LAPTM5: variants seen among roughly 807,000 people sequenced by gnomAD.
The protein encoded by LAPTM5 is lysosomal protein transmembrane 5, also known as lysosomal-associated transmembrane protein 5.
A neutral mutation model predicts 30.1 loss-of-function variants in LAPTM5; 11 were observed. That is an observed-to-expected ratio of 0.37 (90% CI 0.23 to 0.60). The LOEUF (loss-of-function observed/expected upper bound fraction) is 0.60. Among genes scored for constraint, LAPTM5 ranks in the 20% least tolerant of loss-of-function variants. The pLI is 0.71. For missense variants in LAPTM5, 324 were observed against 332.5 expected, an observed-to-expected ratio of 0.97 and a Z score of 0.20; for synonymous variants, 151 against 137.9, an observed-to-expected ratio of 1.10 and a Z score of -0.67.
intron 6 of LAPTM5, among the ~76,000 whole-genome samples, chr1:30,735,564 C>T (rs1639873993): frequency 1.3e-5 from 2 of 152,246 alleles, no homozygotes; most frequent in Non-Finnish European, 1.5e-5. Context: ...GCCCACACTG[C>T]CTGGAAGCTC....
chr1:30,747,221 G>A (rs1640061303), intron 1 of LAPTM5, among the ~76,000 whole-genome samples: 1 of 152,192 alleles, frequency 6.6e-6, no homozygotes. Context: ...CATTCCAAAA[G>A]AGCAGACATC....
chr1:30,751,539 G>A (rs1196879204), intron 1 of LAPTM5, among the ~76,000 whole-genome samples: 1 of 152,226 alleles, frequency 6.6e-6, no homozygotes, highest in Non-Finnish European at 1.5e-5. Context: ...AGGAGTTCAA[G>A]ACCAGCCTGG....
Position 30,742,564 on chromosome 1 carries a change from A to G in LAPTM5, c.88-15T>C. 1 of 1,606,578 alleles carries G rather than the reference A, an allele frequency of 6.2e-7. No homozygotes were observed. The highest frequency in any genetic ancestry group is 8.5e-7 in the Non-Finnish European group (1 of 1,175,122). On this transcript the variant is annotated splice_polypyrimidine_tract_variant and intron_variant, in intron 1 of 7. Coordinates refer to ENST00000294507, the MANE Select transcript of LAPTM5 (RefSeq NM_006762.3). ...ACGCTCATGATCTGGAGGCAAAGCA[A>G]AGCATCAGTCAGCTGAGCCTGCATC...
intron 1 of LAPTM5, among the ~76,000 whole-genome samples, chr1:30,753,356 T>C (rs1640164405): frequency 6.6e-6 from 1 of 152,004 alleles, no homozygotes; most frequent in South Asian, 2.1e-4. Flanking sequence ...TTCTAAAACA[T>C]ACAGCATGGA....
intron 1 of LAPTM5, among the ~76,000 whole-genome samples, chr1:30,749,465 T>C (rs1271976254): frequency 6.6e-6 from 1 of 152,186 alleles, no homozygotes; most frequent in African/African-American, 2.4e-5. Context: ...AGCTGTGCTT[T>C]TCTATAGGTA....
chr1:30,753,469 C>T (rs929125147), intron 1 of LAPTM5, among the ~76,000 whole-genome samples: 1 of 152,162 alleles, frequency 6.6e-6, no homozygotes, highest in Non-Finnish European at 1.5e-5. Context: ...TTTCTTAGTA[C>T]GATGTTCTGA....
At position 30,733,850 on chromosome 1, in the gene LAPTM5, G is replaced by A; in HGVS notation, c.767C>T (p.Pro256Leu). 1 of 1,609,160 alleles carries A rather than the reference G, an allele frequency of 6.2e-7. No homozygotes were observed. The highest frequency in any genetic ancestry group is 8.5e-7 in the Non-Finnish European group (1 of 1,178,822). The change falls in exon 8 of 8, where the codon CCA (proline) becomes CTA (leucine). Residue 256 changes from proline to leucine, a missense_variant. Physicochemically the swap from Pro to Leu is moderately conservative, Grantham distance 98. Transcript: ENST00000294507. ...PSKTPEGGPA[P>L]PPYSEV ...GGGTCACACCTCTGAGTATGGGGGT[G>A]GTGCTGGGCCCCCCTCTGGGGTCTT...
At chr1:30,745,609 AGAGG>A (rs1640032055) in intron 1 of LAPTM5, among the ~76,000 whole-genome samples, 1 of 152,218 alleles carries the variant, frequency 6.6e-6, no homozygotes, top group Non-Finnish European at 1.5e-5. Flanking sequence ...CGAGACTCAT[AGAGG>A]GCAGGGGACC....
At chr1:30,753,749 G>A (rs1640170625) in intron 1 of LAPTM5, among the ~76,000 whole-genome samples, 1 of 152,272 alleles carries the variant, frequency 6.6e-6, no homozygotes, top group South Asian at 2.1e-4. Flanking sequence ...GGGAAATAGG[G>A]GTGAAGCACT....
At chr1:30,737,437 G>C (rs1221952015) in intron 6 of LAPTM5, among the ~76,000 whole-genome samples, 167 bp downstream of exon 6, 1 of 152,184 alleles carries the variant, frequency 6.6e-6, no homozygotes, top group Non-Finnish European at 1.5e-5. Flanking sequence ...AGGATCCCAA[G>C]TAAAGTCAGA....
Position 30,741,650 on chromosome 1 carries a change from C to A in LAPTM5, c.248G>T (p.Gly83Val). Residue 83 changes from glycine (G) to valine (V), a missense_variant, in exon 3 of 8, where the codon GGC becomes GTC. Coordinates refer to ENST00000294507, the MANE Select transcript of LAPTM5 (RefSeq NM_006762.3). The part of the protein sequence containing the change: ...LFIISLSLLI[G>V]VVKNREKYLL... Reference sequence around the variant, plus strand: ...CTCCTGAGCCCTCACCTTGACTACGCCGATCAGTAGGCTCAGGCTGATGAT... The same window carrying A: ...CTCCTGAGCCCTCACCTTGACTACGACGATCAGTAGGCTCAGGCTGATGAT... 1 of 1,602,528 alleles carries A rather than the reference C, an allele frequency of 6.2e-7. No homozygotes were observed.
chr1:30,754,482 G>A (rs528874455), intron 1 of LAPTM5, among the ~76,000 whole-genome samples: 1 of 152,340 alleles, frequency 6.6e-6, no homozygotes, highest in South Asian at 2.1e-4. Flanking sequence ...GCTGCAGTGA[G>A]CTGTGATGGC....
At chr1:30,733,988 G>A in intron 7 of LAPTM5, 71 bp from the exon 8 acceptor site, 1 of 1,512,666 alleles carries the variant, frequency 6.6e-7, no homozygotes, top group Non-Finnish European at 8.9e-7. Flanking sequence ...GGGGTCATGG[G>A]ACCCAAACCC....
intron 1 of LAPTM5, among the ~76,000 whole-genome samples, chr1:30,755,107 C>T (rs1022214791): frequency 1.3e-5 from 2 of 152,140 alleles, no homozygotes; most frequent in Non-Finnish European, 2.9e-5. Flanking sequence ...CTGGGCCGAG[C>T]GCACAGCTTC....
chr1:30,743,404 G>A (rs976828665), intron 1 of LAPTM5, among the ~76,000 whole-genome samples: 5 of 152,122 alleles, frequency 3.3e-5, no homozygotes, highest in Non-Finnish European at 7.4e-5. Context: ...CCTGAGTGTT[G>A]GGGTGGCCCT....
rs1639939109 is a variant in LAPTM5, at chr1:30,739,649, G to A, written c.387+160C>T. On this transcript the variant is annotated intron_variant, in intron 4 of 7. Coordinates refer to ENST00000294507, the MANE Select transcript of LAPTM5 (RefSeq NM_006762.3). This position sits in a 1 kb window ranked among gnomAD's most constrained non-coding sequence, Gnocchi z 4.2. ...ACATTCCACAGAGGAAGAAACTTGG[G>A]GCAATGTGGAGGGACTCAGAGACTG... Among the ~76,000 whole-genome samples, 2 of 152,258 alleles carry A rather than the reference G, an allele frequency of 1.3e-5. No homozygotes were observed. The highest frequency in any genetic ancestry group is 3.4e-3 in the Middle Eastern group (1 of 294).
At position 30,736,056 on chromosome 1, in the gene LAPTM5, G is replaced by A. The variant is rs1428499668; in HGVS notation, c.607-791C>T. On this transcript the variant is annotated intron_variant, in intron 6 of 7. Coordinates refer to ENST00000294507, the MANE Select transcript of LAPTM5 (RefSeq NM_006762.3). ...CATTCTGGAGGATAAAAAACAGAAG[G>A]GGAGCTGGGGGACGGAGCTGTGTGC... is the stretch of plus-strand genomic sequence containing the variant. Among the ~76,000 whole-genome samples, 4 of 152,160 alleles carry A rather than the reference G, an allele frequency of 2.6e-5. No homozygotes were observed. The South Asian group carries it at 6.2e-4, about 24-fold the overall frequency.
chr1:30,741,893 T>TCA, intron 2 of LAPTM5, 177 bp from the exon 3 acceptor site: 1 of 502,930 alleles, frequency 2.0e-6, no homozygotes. Flanking sequence ...AAGCAGAACA[T>TCA]CACACATAGC....
At chr1:30,748,915 A>T (rs1640088380) in intron 1 of LAPTM5, among the ~76,000 whole-genome samples, 1 of 152,154 alleles carries the variant, frequency 6.6e-6, no homozygotes, top group Admixed American at 6.5e-5. Flanking sequence ...ACATTTCCTC[A>T]TCTGTAGAAG....
Sources: allele counts gnomAD v4.1 joint callset (sites outside exome capture counted in the v4.1 genomes callset), GRCh38; gene constraint gnomAD v4.1.1; non-coding constraint Gnocchi (gnomAD v3.1); transcripts MANE v1.5; gene names NCBI Gene and HGNC (gene_info 2026-07-23, HGNC 2026-07-21).